PEX10: variants seen among roughly 807,000 people sequenced by gnomAD.
The protein encoded by PEX10 is peroxisomal biogenesis factor 10, also known as peroxisome biogenesis factor 10.
A neutral mutation model predicts 38.0 loss-of-function variants in PEX10; 32 were observed. The ratio of observed to expected loss-of-function variants is 0.84; its 90% CI spans 0.63 to 1.13. The LOEUF (loss-of-function observed/expected upper bound fraction) is 1.13, where lower values mean the gene tolerates loss of function less well. PEX10 is among the 50% of genes most tolerant of loss of function. PEX10 has a pLI of 0.00. For missense variants in PEX10, 483 were observed against 457.7 expected, an observed-to-expected ratio of 1.06 and a Z score of -0.51; for synonymous variants, 206 against 207.3, an observed-to-expected ratio of 0.99 and a Z score of 0.05.
At chr1:2,406,312 C>T (rs2100420792) in intron 5 of PEX10, among the ~76,000 whole-genome samples, 172 bp downstream of exon 5, 1 of 152,302 alleles carries the variant, frequency 6.6e-6, no homozygotes, top group East Asian at 1.9e-4. Context: ...ACTTTAACCC[C>T]CTCAACGAAC....
rs1316957679 is a variant in PEX10, at chr1:2,410,670, C to A, written c.113-219G>T. 1.6e-6 allele frequency: 1 copy of A among 615,450 alleles called. No homozygotes were observed. The highest frequency in any genetic ancestry group is 3.0e-6 in the Non-Finnish European group (1 of 329,650). 38.1% of individuals were successfully genotyped at this position (615,450 alleles called of 1,614,324 possible). A position where few individuals can be genotyped will look rare whatever the true frequency, so the allele number is the denominator to read the frequency against. On this transcript the variant is annotated intron_variant, in intron 1 of 5. Transcript: ENST00000447513. This position sits in a 1 kb window ranked among gnomAD's most constrained non-coding sequence, Gnocchi z 5.1. ...AGACAGTCTGCGAAGAATCTCCCAC[C>A]TGTGCTCATCTCTTGCTCCGGGATT...
At chr1:2,411,317 C>T (rs913517464) in intron 1 of PEX10, among the ~76,000 whole-genome samples, 2 of 148,964 alleles carry the variant, frequency 1.3e-5, no homozygotes, top group Non-Finnish European at 3.0e-5. Context: ...CTTACTGCAA[C>T]CTCCGCCTCC....
Position 2,412,404 on chromosome 1 carries a change from C to T in PEX10, c.99G>A (p.Leu33=). 2.1e-6 allele frequency: 3 copies of T among 1,401,760 alleles called. No individual in the cohort carries two copies. The highest frequency in any genetic ancestry group is 3.2e-5 in the Admixed American group (1 of 31,340). The allele number at this position is 1,401,760 out of a possible 1,614,324, so 86.8% of individuals were successfully genotyped here. Residue 33 remains leucine, a synonymous_variant, in exon 1 of 6, where the codon CTG becomes CTA. Coordinates refer to ENST00000447513, the MANE Select transcript of PEX10 (RefSeq NM_002617.4). ...GGLRSAAGGA[L]HSLAGARKWL... is the part of the protein sequence containing the mutation. ...CCCGGCCCTCACCCGCCAGGCTGTG[C>T]AGGGCGCCGCCCGCCGCGCTCCGCA...
Position 2,410,474 on chromosome 1 carries a change from T to G in PEX10, c.113-23A>C. 6.2e-7 allele frequency: 1 copy of G among 1,610,048 alleles called. No individual in the cohort carries two copies. Among genetic ancestry groups the G allele is most frequent in the Non-Finnish European group, 8.5e-7 (1 of 1,176,930 alleles). ...CACCTGAGAGGAGAAACAGTATTAG[T>G]CCGGGGGAGCTGGTGGGCATCCTCT... On this transcript the variant is annotated intron_variant, in intron 1 of 5. Transcript: ENST00000447513. The surrounding 1 kb of genome is among the most constrained non-coding windows in gnomAD (Gnocchi z 5.1).
chr1:2,410,558 T>C lies in PEX10; in HGVS notation c.113-107A>G, dbSNP rs1213818459. The C allele has an allele frequency of 2.1e-5, 20 of 942,792 alleles. No individual in the cohort carries two copies. In the East Asian group the frequency reaches 5.3e-4, roughly 25 times the overall value. 58.4% of individuals were successfully genotyped at this position (942,792 alleles called of 1,614,324 possible). ...CTAGGCCCAGATCCAGTCCCACCCC[T>C]TCCATGAAGCCAACACTCACTCCCT... On this transcript the variant is annotated intron_variant, in intron 1 of 5. Coordinates refer to ENST00000447513, the MANE Select transcript of PEX10 (RefSeq NM_002617.4). This position sits in a 1 kb window ranked among gnomAD's most constrained non-coding sequence, Gnocchi z 5.1.
chr1:2,412,841 C>G (rs1643313348), upstream of PEX10, among the ~76,000 whole-genome samples: 1 of 152,084 alleles, frequency 6.6e-6, no homozygotes, highest in South Asian at 2.1e-4. Flanking sequence ...GTGGTTGCTG[C>G]GACCTCGGGG....
chr1:2,405,617 C>G lies in PEX10; in HGVS notation c.*149G>C. On this transcript the variant is annotated 3_prime_UTR_variant, in exon 6 of 6. Coordinates refer to ENST00000447513, the MANE Select transcript of PEX10 (RefSeq NM_002617.4). ...GCGCAGCCAGGGACAGCTTTCTGTT[C>G]TCTCCCAGGGTGGCTAGGTTAGTAT... is the stretch of plus-strand genomic sequence containing the variant. 3 of 781,202 alleles carry G rather than the reference C, an allele frequency of 3.8e-6. No homozygotes were observed. The highest frequency in any genetic ancestry group is 6.6e-6 in the Non-Finnish European group (3 of 457,176). 48.4% of individuals were successfully genotyped at this position (781,202 alleles called of 1,614,324 possible). A position where few individuals can be genotyped will look rare whatever the true frequency, so the allele number is the denominator to read the frequency against.
At chr1:2,406,209 G>A (rs1467528872) in intron 5 of PEX10, among the ~76,000 whole-genome samples, 1 of 152,218 alleles carries the variant, frequency 6.6e-6, no homozygotes, top group African/African-American at 2.4e-5. Flanking sequence ...GAGGAAGGGT[G>A]TGCTGGGATG....
At position 2,410,340 on chromosome 1, in the gene PEX10, C is replaced by G. The variant is rs1473831875; in HGVS notation, c.193+31G>C. The stretch of plus-strand genomic sequence containing the variant: ...CCCAGACTTGGTGTGTGTGGCTGCC[C>G]TCAGTCCTGAGGTCCCGTGGGAGCT... On this transcript the variant is annotated intron_variant, in intron 2 of 5. Transcript: ENST00000447513. The surrounding 1 kb of genome is among the most constrained non-coding windows in gnomAD (Gnocchi z 5.1). 1.3e-6 allele frequency: 2 copies of G among 1,590,952 alleles called. No homozygotes were observed. Among genetic ancestry groups the G allele is most frequent in the Non-Finnish European group, 1.7e-6 (2 of 1,159,168 alleles).
intron 3 of PEX10, 66 bp from the exon 4 acceptor site, chr1:2,406,961 A>T (rs1272505306): frequency 1.3e-6 from 2 of 1,564,728 alleles, no homozygotes; most frequent in Admixed American, 3.8e-5. Context: ...GCCTGCTGGG[A>T]GGGTCACACG....
chr1:2,410,378 T>G lies in PEX10; in HGVS notation c.186A>C (p.Thr62=). The G allele has an allele frequency of 6.2e-7, 1 of 1,613,960 alleles. No individual in the cohort carries two copies. The highest frequency in any genetic ancestry group is 8.5e-7 in the Non-Finnish European group (1 of 1,179,872). The part of the protein sequence containing the change: ...LSDVAYFGLT[T]LAGYQTLGEE... Reference sequence around the variant, plus strand: ...TCCCGTGGGAGCTTCTACCTGCAAGTGTGGTGAGGCCAAAGTAGGCCACAT... The same window carrying G: ...TCCCGTGGGAGCTTCTACCTGCAAGGGTGGTGAGGCCAAAGTAGGCCACAT... The change falls in exon 2 of 6, where the codon ACA becomes ACC. Residue 62 remains threonine (T), a synonymous_variant. Transcript: ENST00000447513. The surrounding 1 kb of genome is among the most constrained non-coding windows in gnomAD (Gnocchi z 5.1).
rs1642938038 is a variant in PEX10 at position 2,404,657 on chromosome 1, G to A, written c.*1109C>T. On this transcript the variant is annotated 3_prime_UTR_variant, in exon 6 of 6. Coordinates refer to ENST00000447513, the MANE Select transcript of PEX10 (RefSeq NM_002617.4). ...CAGGGTCATCCTCATTCCTAAGTAA[G>A]TCAAACAGCAAGACATGGTTTGCGC... 1.3e-5 allele frequency: 2 copies of A among 152,368 alleles called. No individual in the cohort carries two copies. Among genetic ancestry groups the A allele is most frequent in the African/African-American group, 4.8e-5 (2 of 41,574 alleles). The allele number at this position is 152,368 out of a possible 1,614,324, so 9.4% of individuals were successfully genotyped here. A position where few individuals can be genotyped will look rare whatever the true frequency, so the allele number is the denominator to read the frequency against.
intron 3 of PEX10, among the ~76,000 whole-genome samples, chr1:2,407,959 G>T (rs116081827): frequency 2.0e-5 from 3 of 151,802 alleles, no homozygotes; most frequent in Non-Finnish European, 4.4e-5. Flanking sequence ...AGGTGCCAAC[G>T]GCTGTGGAGG....
chr1:2,407,640 G>A (rs564874037), intron 3 of PEX10, among the ~76,000 whole-genome samples: 2 of 152,314 alleles, frequency 1.3e-5, no homozygotes, highest in South Asian at 2.1e-4. Flanking sequence ...AAATACGCAA[G>A]TGAGGCTGGG....
intron 3 of PEX10, among the ~76,000 whole-genome samples, chr1:2,407,386 G>A (rs1325032213): frequency 2.0e-5 from 3 of 152,220 alleles, no homozygotes; most frequent in East Asian, 1.9e-4. Context: ...GGCTGCCCTC[G>A]GCTTCCCGTG....
At position 2,410,722 on chromosome 1, in the gene PEX10, T is replaced by C. The variant is rs566178191; in HGVS notation, c.113-271A>G. On this transcript the variant is annotated intron_variant, in intron 1 of 5. Transcript: ENST00000447513. The surrounding 1 kb of genome is among the most constrained non-coding windows in gnomAD (Gnocchi z 5.1). ...CCCTGAGCAACTGTTCTAGGGCCTA[T>C]GAGGGCCACATGGAAAGATGGTCTG... 2.1e-3 allele frequency: 1,186 copies of C among 556,036 alleles called. 3 individuals are homozygous for C. Among genetic ancestry groups the C allele is most frequent in the Non-Finnish European group, 3.5e-3 (1,036 of 291,992 alleles). The allele number at this position is 556,036 out of a possible 1,614,324, so 34.4% of individuals were successfully genotyped here.
In PEX10 at chr1:2,409,013, A is replaced by G. The variant is rs1465536349; in HGVS notation, c.194-155T>C. Among the ~76,000 whole-genome samples, 1 of 152,068 alleles carries G rather than the reference A, an allele frequency of 6.6e-6. No homozygotes were observed. Among genetic ancestry groups the G allele is most frequent in the Admixed American group, 6.6e-5 (1 of 15,266 alleles). On this transcript the variant is annotated intron_variant, in intron 2 of 5. Coordinates refer to ENST00000447513, the MANE Select transcript of PEX10 (RefSeq NM_002617.4). The surrounding 1 kb of genome is among the most constrained non-coding windows in gnomAD (Gnocchi z 6.2). ...TCACCCCGTGCTGGCTGAGGCCAAC[A>G]TGACCTTCTGTCGCTAAGCCCACTG...
intron 1 of PEX10, 77 bp downstream of exon 1, chr1:2,412,314 G>T: frequency 7.8e-7 from 1 of 1,284,458 alleles, no homozygotes; most frequent in South Asian, 2.3e-5. Flanking sequence ...GACCACACAC[G>T]GCAGACACCC....
Position 2,406,725 on chromosome 1 carries a change from G to A in PEX10, c.771C>T (p.His257=), listed in dbSNP as rs776503441. Residue 257 remains histidine (H), a synonymous_variant, in exon 4 of 6, where the codon CAC becomes CAT. Transcript: ENST00000447513. ...KEWRLHRGLS[H]RRASLEERAV... ...TGTGTGGCCCCCGCACGCACCTGCG[G>A]TGAGACAGGCCGCGGTGCAGCCTCC... 76 of 1,608,990 alleles carry A rather than the reference G, an allele frequency of 4.7e-5. No homozygotes were observed. The highest frequency in any genetic ancestry group is 8.4e-5 in the Admixed American group (5 of 59,270).
Sources: allele counts gnomAD v4.1 joint callset (sites outside exome capture counted in the v4.1 genomes callset), GRCh38; gene constraint gnomAD v4.1.1; non-coding constraint Gnocchi (gnomAD v3.1); transcripts MANE v1.5; gene names NCBI Gene and HGNC (gene_info 2026-07-23, HGNC 2026-07-21).